The following GLG1 variants were observed in gnomAD, a reference collection of about 807,000 sequenced individuals.
GLG1 encodes the protein Golgi apparatus protein 1.
A neutral mutation model predicts 160.5 loss-of-function variants in GLG1; 38 were observed. That is an observed-to-expected ratio of 0.24 (90% CI 0.18 to 0.31). GLG1 has a LOEUF of 0.31. Among genes scored for constraint, GLG1 ranks in the 10% least tolerant of loss-of-function variants. The pLI is 1.00. For missense variants in GLG1, 1,373 were observed against 1,505.2 expected, an observed-to-expected ratio of 0.91 and a Z score of 1.45; for synonymous variants, 644 against 543.4, an observed-to-expected ratio of 1.19 and a Z score of -2.57.
chr16:74,529,585 A>C (rs940254330), intron 2 of GLG1, among the ~76,000 whole-genome samples: 4 of 151,728 alleles, frequency 2.6e-5, no homozygotes, highest in African/African-American at 7.3e-5. Context: ...TGGCTACTTT[A>C]TCTCTTGATA....
intron 1 of GLG1, among the ~76,000 whole-genome samples, chr16:74,539,395 A>AG (rs1406049656): frequency 6.6e-6 from 1 of 152,084 alleles, no homozygotes; most frequent in East Asian, 1.9e-4. Context: ...GGTTCTTAAA[A>AG]GGTCTCACAT....
At chr16:74,554,038 C>T (rs1020310938) in intron 1 of GLG1, among the ~76,000 whole-genome samples, 1 of 152,216 alleles carries the variant, frequency 6.6e-6, no homozygotes, top group Admixed American at 6.5e-5. Flanking sequence ...ACATTCTCAA[C>T]CATGGCCTAA....
intron 1 of GLG1, among the ~76,000 whole-genome samples, chr16:74,554,444 CA>C (rs1311426016): frequency 7.2e-5 from 11 of 152,154 alleles, no homozygotes; most frequent in Admixed American, 7.2e-4. Flanking sequence ...TGAGGCAGGA[CA>C]ATCACTTCAT....
chr16:74,528,479 T>G (rs1375514490), intron 2 of GLG1, among the ~76,000 whole-genome samples: 3 of 152,062 alleles, frequency 2.0e-5, no homozygotes, highest in Non-Finnish European at 4.4e-5. Flanking sequence ...GCCTGCTTGT[T>G]GAGTTTTCTT....
At chr16:74,594,281 G>A (rs992607422) in intron 1 of GLG1, among the ~76,000 whole-genome samples, 13 of 152,128 alleles carry the variant, frequency 8.5e-5, no homozygotes, top group Non-Finnish European at 1.3e-4. Context: ...ATAGATCCAG[G>A]ATTCAAGTCA....
chr16:74,506,647 A>T (rs2016623357), intron 3 of GLG1, among the ~76,000 whole-genome samples: 1 of 149,816 alleles, frequency 6.7e-6, no homozygotes, highest in South Asian at 2.1e-4. Context: ...TAGCCTCAAT[A>T]AGAAACTAAA....
rs2014388990 is a variant in GLG1 at position 74,453,064 on chromosome 16, T to C, written c.*103A>G. ...CATCTGCTAATGCTCTAACACGGGG[T>C]TGGTGTCACTTCTGAGAAGAGCGAG... On this transcript the variant is annotated 3_prime_UTR_variant, in exon 26 of 26. Coordinates refer to ENST00000422840, the MANE Select transcript of GLG1 (RefSeq NM_001145667.2). The C allele has an allele frequency of 6.6e-6, 10 of 1,517,212 alleles. No individual in the cohort carries two copies. The highest frequency in any genetic ancestry group is 7.9e-6 in the Non-Finnish European group (9 of 1,132,278). The allele number at this position is 1,517,212 out of a possible 1,614,324, so 94.0% of individuals were successfully genotyped here. A position where few individuals can be genotyped will look rare whatever the true frequency, so the allele number is the denominator to read the frequency against.
At chr16:74,507,661 A>T (rs2161734) in intron 3 of GLG1, among the ~76,000 whole-genome samples, 2 of 152,018 alleles carry the variant, frequency 1.3e-5, no homozygotes, top group East Asian at 3.9e-4. Context: ...GCTTGAACCC[A>T]GGAGGCAGAG....
At chr16:74,470,145 T>C (rs1050773459) in intron 15 of GLG1, 72 bp from the exon 16 acceptor site, 9 of 857,976 alleles carry the variant, frequency 1.0e-5, no homozygotes, top group Admixed American at 1.0e-4. Flanking sequence ...GGCGCACTTT[T>C]TCATATAGCT....
chr16:74,588,210 T>C (rs1213893212), intron 1 of GLG1, among the ~76,000 whole-genome samples: 1 of 152,026 alleles, frequency 6.6e-6, no homozygotes, highest in South Asian at 2.1e-4. Context: ...AAAAACTGTC[T>C]GAAGAAATAG....
chr16:74,571,109 A>G (rs970305017), intron 1 of GLG1, among the ~76,000 whole-genome samples: 1 of 151,990 alleles, frequency 6.6e-6, no homozygotes, highest in Non-Finnish European at 1.5e-5. Context: ...TTCCGTATTG[A>G]TTTTTGGACC....
intron 1 of GLG1, among the ~76,000 whole-genome samples, chr16:74,578,436 T>G (rs1431555371): frequency 4.6e-5 from 7 of 152,218 alleles, no homozygotes; most frequent in Non-Finnish European, 1.0e-4. Flanking sequence ...GAAGACTAAA[T>G]GTTGCTTGTA....
chr16:74,468,841 CA>C, intron 17 of GLG1, 104 bp downstream of exon 17: 1 of 720,756 alleles, frequency 1.4e-6, no homozygotes, highest in South Asian at 1.6e-5. Flanking sequence ...AAGTCTTAAC[CA>C]TCACAGTAGT....
intron 1 of GLG1, among the ~76,000 whole-genome samples, chr16:74,590,214 T>C (rs1958141813): frequency 6.6e-6 from 1 of 152,108 alleles, no homozygotes; most frequent in South Asian, 2.1e-4. Flanking sequence ...TTAGCCAGGA[T>C]GGTCTTGATC....
chr16:74,507,877 T>C (rs538044438), intron 3 of GLG1, among the ~76,000 whole-genome samples: 6 of 152,196 alleles, frequency 3.9e-5, no homozygotes, highest in African/African-American at 1.4e-4. Context: ...ATTTTAAAGT[T>C]AGAGGTTTAG....
rs192051442 is a variant in GLG1 at position 74,489,897 on chromosome 16, C to T, written c.1449+1104G>A. 1.2e-4 allele frequency among the ~76,000 whole-genome samples: 18 copies of T among 152,158 alleles called. No individual in the cohort carries two copies. The East Asian group carries it at 1.9e-3, about 16-fold the overall frequency. ...TCTGTAAAACTGTTGTGTTTCAGAC[C>T]GCAAAGTTTTGTTTCAGACTGTAAA... On this transcript the variant is annotated intron_variant, in intron 8 of 25. Coordinates refer to ENST00000422840, the MANE Select transcript of GLG1 (RefSeq NM_001145667.2).
At position 74,452,859 on chromosome 16, in the gene GLG1, G is replaced by C. The variant is rs896231262; in HGVS notation, c.*308C>G. ...AAAGCCTTTGAGTTGCAGGTCAGGT[G>C]AGTTGGTTCTGGAAGTACCGGAAGT... On this transcript the variant is annotated 3_prime_UTR_variant, in exon 26 of 26. Coordinates refer to ENST00000422840, the MANE Select transcript of GLG1 (RefSeq NM_001145667.2). 3.7e-6 allele frequency: 4 copies of C among 1,085,332 alleles called. No homozygotes were observed. In the African/African-American group the frequency reaches 4.9e-5, roughly 13 times the overall value. The allele number at this position is 1,085,332 out of a possible 1,614,324, so 67.2% of individuals were successfully genotyped here.
chr16:74,588,728 C>T (rs4573951), intron 1 of GLG1, among the ~76,000 whole-genome samples: 151,510 of 152,242 alleles, frequency 1, 75,399 homozygotes, highest in Middle Eastern at 1. Context: ...CTGTTCTTAA[C>T]ATTATGTGAC....
chr16:74,468,713 A>G, intron 17 of GLG1: 3 of 530,510 alleles, frequency 5.7e-6, no homozygotes, highest in Admixed American at 3.1e-5. Context: ...GCTTAGTTAG[A>G]GCCTGTCTTA....
Sources: allele counts gnomAD v4.1 joint callset (sites outside exome capture counted in the v4.1 genomes callset), GRCh38; gene constraint gnomAD v4.1.1; transcripts MANE v1.5; gene names NCBI Gene and HGNC (gene_info 2026-07-23, HGNC 2026-07-21).